Variants in TRIM9 observed in about 807,000 individuals in gnomAD.
TRIM9 encodes tripartite motif containing 9.
Under a neutral mutation model 78.3 loss-of-function variants are expected in TRIM9, and 26 were observed. The observed-to-expected ratio is 0.33, with a 90% CI of 0.24 to 0.46. The LOEUF is 0.46. Among genes scored for constraint, TRIM9 ranks in the 20% least tolerant of loss-of-function variants. The pLI is 1.00. For missense variants in TRIM9, 787 were observed against 1,036.4 expected, an observed-to-expected ratio of 0.76 and a Z score of 3.30; for synonymous variants, 398 against 416.5, an observed-to-expected ratio of 0.96 and a Z score of 0.54.
At chr14:51,027,319 T>G (rs1011280318) in intron 1 of TRIM9, among the ~76,000 whole-genome samples, 11 of 152,008 alleles carry the variant, frequency 7.2e-5, no homozygotes, top group Admixed American at 2.6e-4. Flanking sequence ...AACTTTTGTA[T>G]TTTTAGTAGA....
At chr14:51,052,047 G>A (rs77961518) in intron 1 of TRIM9, among the ~76,000 whole-genome samples, 3 of 75,778 alleles carry the variant, frequency 4.0e-5, no homozygotes, top group Non-Finnish European at 5.9e-5. Context: ...GGGAAAAGAA[G>A]AGAAGAGAAG....
intron 1 of TRIM9, among the ~76,000 whole-genome samples, chr14:51,056,085 C>T (rs2060877921): frequency 6.6e-6 from 1 of 152,200 alleles, no homozygotes; most frequent in South Asian, 2.1e-4. Flanking sequence ...GTTTAGTTCA[C>T]TTCTATTTAT....
At position 50,980,516 on chromosome 14, in the gene TRIM9, G is replaced by A. The variant is rs925642912; in HGVS notation, c.2163-967C>T. On this transcript the variant is annotated intron_variant, in intron 11 of 12. Transcript: ENST00000684578. The stretch of plus-strand genomic sequence containing the variant: ...CAAATTGCCTCTTGCTACTTCACAG[G>A]TTTAACAATGAAAGCACAAGTGACA... Among the ~76,000 whole-genome samples the A allele has an allele frequency of 2.0e-5, 3 of 152,132 alleles. No individual in the cohort carries two copies. In the East Asian group the frequency reaches 5.8e-4, roughly 29 times the overall value.
At chr14:51,056,075 G>A (rs2060877210) in intron 1 of TRIM9, among the ~76,000 whole-genome samples, 1 of 152,150 alleles carries the variant, frequency 6.6e-6, no homozygotes, top group East Asian at 1.9e-4. Context: ...TGTCTCTGAT[G>A]TTTAGTTCAC....
intron 2 of TRIM9, 152 bp downstream of exon 2, chr14:51,025,113 A>C: frequency 1.4e-6 from 1 of 698,812 alleles, no homozygotes; most frequent in Non-Finnish European, 2.4e-6. Context: ...TTTGAAGTTG[A>C]TCTCTATGTG....
intron 7 of TRIM9, among the ~76,000 whole-genome samples, chr14:50,995,639 T>C (rs139468382): frequency 2.1e-3 from 323 of 152,292 alleles, no homozygotes; most frequent in African/African-American, 7.1e-3. Flanking sequence ...GCATATGAAA[T>C]TTTACCTTTC....
chr14:51,060,142 C>T (rs1472522925), intron 1 of TRIM9, among the ~76,000 whole-genome samples: 1 of 152,182 alleles, frequency 6.6e-6, no homozygotes, highest in Non-Finnish European at 1.5e-5. Context: ...TTTCCACAGA[C>T]TGTAGTTGGC....
At chr14:51,075,958 T>G (rs2062744208) in intron 1 of TRIM9, among the ~76,000 whole-genome samples, 1 of 152,226 alleles carries the variant, frequency 6.6e-6, no homozygotes, top group Non-Finnish European at 1.5e-5. Flanking sequence ...ATTTATTATT[T>G]TAATTTTTTT....
intron 11 of TRIM9, among the ~76,000 whole-genome samples, chr14:50,981,534 G>A (rs556567579): frequency 6.6e-6 from 1 of 152,166 alleles, no homozygotes; most frequent in Non-Finnish European, 1.5e-5. Context: ...TTCTTATAAT[G>A]GATATCCATT....
intron 1 of TRIM9, among the ~76,000 whole-genome samples, chr14:51,058,521 G>A (rs748949824): frequency 6.6e-6 from 1 of 152,162 alleles, no homozygotes; most frequent in Non-Finnish European, 1.5e-5. Flanking sequence ...GAGATGTGGA[G>A]TGGGGAGTGG....
At chr14:50,997,609 G>T in intron 7 of TRIM9, 1 of 1,011,958 alleles carries the variant, frequency 9.9e-7, no homozygotes, top group Non-Finnish European at 1.2e-6. Flanking sequence ...ATCCACGACT[G>T]GAAAGAACCT....
At chr14:51,000,040 G>A (rs557144786) in intron 6 of TRIM9, among the ~76,000 whole-genome samples, 1 of 152,268 alleles carries the variant, frequency 6.6e-6, no homozygotes, top group African/African-American at 2.4e-5. Context: ...GTTCTATCTG[G>A]TGAAAGGCCC....
At chr14:51,001,347 A>G (rs12589524) in intron 5 of TRIM9, among the ~76,000 whole-genome samples, 49,549 of 150,130 alleles carry the variant, frequency 0.33, 8,973 homozygotes, top group South Asian at 0.58. Flanking sequence ...CTCCTGCCTC[A>G]GCCTCCGGAG....
chr14:51,021,388 C>T (rs573802582), intron 3 of TRIM9, among the ~76,000 whole-genome samples: 5 of 152,288 alleles, frequency 3.3e-5, no homozygotes, highest in South Asian at 2.1e-4. Context: ...ACTCTGTGAC[C>T]GTTTTAACTG....
At chr14:51,078,342 C>A (rs889030722) in intron 1 of TRIM9, among the ~76,000 whole-genome samples, 2 of 152,072 alleles carry the variant, frequency 1.3e-5, no homozygotes, top group African/African-American at 2.4e-5. Context: ...AATATTTATA[C>A]AAATTTTATA....
chr14:51,039,140 C>T (rs1394908010), intron 1 of TRIM9, among the ~76,000 whole-genome samples: 1 of 152,180 alleles, frequency 6.6e-6, no homozygotes, highest in Non-Finnish European at 1.5e-5. Flanking sequence ...CAAAGGGGGG[C>T]ACAAGTGAGA....
At chr14:51,001,270 C>T (rs1310002900) in intron 5 of TRIM9, among the ~76,000 whole-genome samples, 1 of 149,494 alleles carries the variant, frequency 6.7e-6, no homozygotes, top group African/African-American at 2.5e-5. Flanking sequence ...CGCTCTGTCG[C>T]CCAGGTTGGA....
intron 11 of TRIM9, 88 bp downstream of exon 11, chr14:50,981,712 G>A: frequency 3.3e-6 from 5 of 1,524,600 alleles, no homozygotes; most frequent in Non-Finnish European, 4.5e-6. Flanking sequence ...TCCTGAATGT[G>A]GTCTATGTAA....
intron 5 of TRIM9, among the ~76,000 whole-genome samples, chr14:51,008,165 C>T (rs1156584822): frequency 6.6e-6 from 1 of 152,098 alleles, no homozygotes; most frequent in African/African-American, 2.4e-5. Flanking sequence ...AGGGCTATGA[C>T]TTTAAAGGGG....
Sources: allele counts gnomAD v4.1 joint callset (sites outside exome capture counted in the v4.1 genomes callset), GRCh38; gene constraint gnomAD v4.1.1; transcripts MANE v1.5; gene names NCBI Gene and HGNC (gene_info 2026-07-23, HGNC 2026-07-21).